The following HERC3 variants were observed in gnomAD, a reference collection of about 807,000 sequenced individuals.
The protein encoded by HERC3 is probable E3 ubiquitin-protein ligase HERC3.
A neutral mutation model predicts 129.9 loss-of-function variants in HERC3; 58 were observed. The observed-to-expected ratio is 0.45, with a 90% CI of 0.36 to 0.56. HERC3 has a LOEUF of 0.56. HERC3 is among the 20% of genes least tolerant of loss of function. The pLI, the probability that HERC3 is intolerant of heterozygous loss-of-function variation, is 0.00. For synonymous variants in HERC3, 430 were observed against 451.0 expected (o/e 0.95, Z 0.59); for missense variants, 835 against 1,244.2 (o/e 0.67, Z 4.95).
chr4:88,676,444 T>G, intron 18 of HERC3, 21 bp downstream of exon 18: 1 of 1,504,440 alleles, frequency 6.6e-7, no homozygotes, highest in South Asian at 1.1e-5. Context: ...TTAGAAATTA[T>G]TTCTTCTTTT....
intron 3 of HERC3, among the ~76,000 whole-genome samples, chr4:88,636,195 T>C (rs950813837): frequency 3.3e-5 from 5 of 152,242 alleles, no homozygotes; most frequent in South Asian, 2.1e-4. Context: ...TTAAAAGATA[T>C]AGACTGGCAA....
intron 12 of HERC3, among the ~76,000 whole-genome samples, chr4:88,665,109 A>G (rs114236718): frequency 0.012 from 1,787 of 152,282 alleles, 16 homozygotes; most frequent in Non-Finnish European, 0.019. Context: ...GTGTTACTCA[A>G]GGTTCTTCAG....
intron 18 of HERC3, among the ~76,000 whole-genome samples, chr4:88,677,418 A>G (rs755704420): frequency 8.5e-5 from 13 of 152,124 alleles, no homozygotes; most frequent in Admixed American, 1.3e-4. Flanking sequence ...TGGTAGATAC[A>G]GATACATAAC....
chr4:88,577,215 T>C, the HERC3 span, among the ~76,000 whole-genome samples: 2 of 152,148 alleles, frequency 1.3e-5, no homozygotes, highest in Non-Finnish European at 2.9e-5. Context: ...TCAAGGTCCT[T>C]TAGACTAATG....
At chr4:88,562,768 C>T in the HERC3 span, among the ~76,000 whole-genome samples, 1 of 152,152 alleles carries the variant, frequency 6.6e-6, no homozygotes, top group South Asian at 2.1e-4. Context: ...GTCCTTTCCC[C>T]AATGTGTATT....
intron 23 of HERC3, among the ~76,000 whole-genome samples, chr4:88,691,109 A>AG (rs1381874905): frequency 6.6e-6 from 1 of 152,204 alleles, no homozygotes; most frequent in Non-Finnish European, 1.5e-5. Context: ...TAAACATGAA[A>AG]GGTGCTCTGT....
intron 16 of HERC3, 133 bp downstream of exon 16, chr4:88,670,385 A>G (rs1731487039): frequency 6.3e-6 from 4 of 631,490 alleles, no homozygotes; most frequent in African/African-American, 1.8e-5. Flanking sequence ...TTTGCATTCT[A>G]GAAACTTGGA....
At position 88,679,883 on chromosome 4, in the gene HERC3, C is replaced by A. The variant is rs116837419; in HGVS notation, c.2197-210C>A. 9.9e-3 allele frequency among the ~76,000 whole-genome samples: 1,504 copies of A among 152,254 alleles called. 23 individuals are homozygous for A. Among genetic ancestry groups the A allele is most frequent in the African/African-American group, 0.034 (1,406 of 41,520 alleles). ...GACTTCCTTTGTATCCCTTGAAGCA[C>A]CTAGTAAAAATTGTATGTATCTATA... On this transcript the variant is annotated intron_variant, in intron 19 of 25. Transcript: ENST00000402738.
the HERC3 span, among the ~76,000 whole-genome samples, chr4:88,526,482 A>G: frequency 1.3e-5 from 2 of 152,218 alleles, no homozygotes; most frequent in Admixed American, 6.5e-5. Context: ...TGTGATTACA[A>G]AGACTTACTT....
At chr4:88,609,499 A>G (rs1454349298) in intron 3 of HERC3, among the ~76,000 whole-genome samples, 5 of 152,284 alleles carry the variant, frequency 3.3e-5, no homozygotes, top group Non-Finnish European at 7.4e-5. Flanking sequence ...AAGAAGCCTA[A>G]GCTGGGAGTT....
the HERC3 span, among the ~76,000 whole-genome samples, chr4:88,551,652 G>A: frequency 6.6e-6 from 1 of 152,192 alleles, no homozygotes; most frequent in Admixed American, 6.5e-5. Context: ...TGGAGAGGAT[G>A]TGGAGAAATA....
the HERC3 span, chr4:88,583,615 T>C: frequency 6.6e-6 from 1 of 152,232 alleles, no homozygotes; most frequent in East Asian, 1.9e-4. Context: ...CTTATAAATC[T>C]ACATGCTTTC....
chr4:88,676,129 G>T (rs1732139077), intron 16 of HERC3, 89 bp from the exon 17 acceptor site: 1 of 961,396 alleles, frequency 1.0e-6, no homozygotes, highest in African/African-American at 1.6e-5. Flanking sequence ...GATTGGTTCT[G>T]TGTTTTGTTA....
chr4:88,649,926 C>T lies in HERC3; in HGVS notation c.313C>T (p.Leu105=). 6.2e-7 allele frequency: 1 copy of T among 1,614,114 alleles called. No homozygotes were observed. The highest frequency in any genetic ancestry group is 1.3e-5 in the African/African-American group (1 of 75,052). ...TCTGGCCCTCAGTGACCGAGGCCAG[C>T]TGTTTTCTTGGGGTGCAGGGAGTGA... ...HSLALSDRGQ[L]FSWGAGSDGQ... is the part of the protein sequence containing the mutation. Residue 105 remains leucine (L), a synonymous_variant, in exon 4 of 26, where the codon CTG becomes TTG. Coordinates refer to ENST00000402738, the MANE Select transcript of HERC3 (RefSeq NM_014606.3).
At chr4:88,689,358 A>G (rs1023061034) in intron 23 of HERC3, among the ~76,000 whole-genome samples, 6 of 151,596 alleles carry the variant, frequency 4.0e-5, no homozygotes, top group African/African-American at 1.5e-4. Flanking sequence ...GTAAAAAAAA[A>G]AAAAAAAAAT....
At chr4:88,559,211 A>G in the HERC3 span, among the ~76,000 whole-genome samples, 1 of 152,206 alleles carries the variant, frequency 6.6e-6, no homozygotes, top group South Asian at 2.1e-4. Flanking sequence ...TAGCATTCCA[A>G]TAATGGAACA....
intron 3 of HERC3, among the ~76,000 whole-genome samples, chr4:88,631,953 AGGCACATT>A (rs1726816027): frequency 6.6e-6 from 1 of 152,242 alleles, no homozygotes; most frequent in Non-Finnish European, 1.5e-5. Context: ...AAATAGTGGC[AGGCACATT>A]GGGAAAGAAG....
the HERC3 span, among the ~76,000 whole-genome samples, chr4:88,584,419 A>G: frequency 0.02 from 3,005 of 152,252 alleles, 93 homozygotes; most frequent in African/African-American, 0.068. Context: ...CATTCCAGGT[A>G]TTGGGCAAGT....
Position 88,667,380 on chromosome 4 carries a change from T to A in HERC3, c.1335T>A (p.Ile445=), listed in dbSNP as rs761865997. ...CTTTTTGATTTTGTTTGTTTAGAATTGATGAACATTTTAAAACGAGTCCCA... is the reference window on the plus strand; with the variant it reads ...CTTTTTGATTTTGTTTGTTTAGAATAGATGAACATTTTAAAACGAGTCCCA... ...CWNGSFLEKK[I]DEHFKTSPKI... Residue 445 remains isoleucine, a synonymous_variant, in exon 13 of 26, where the codon ATT becomes ATA. Coordinates refer to ENST00000402738, the MANE Select transcript of HERC3 (RefSeq NM_014606.3). The A allele has an allele frequency of 9.6e-6, 15 of 1,569,446 alleles. No homozygotes were observed. Among genetic ancestry groups the A allele is most frequent in the Non-Finnish European group, 1.3e-5 (15 of 1,148,412 alleles).
Sources: allele counts gnomAD v4.1 joint callset (sites outside exome capture counted in the v4.1 genomes callset), GRCh38; gene constraint gnomAD v4.1.1; transcripts MANE v1.5; gene names NCBI Gene and HGNC (gene_info 2026-07-23, HGNC 2026-07-21).